The following ANKRD17 variants were observed in gnomAD, a reference collection of about 807,000 sequenced individuals.
ANKRD17 encodes the protein ankyrin repeat domain-containing protein 17.
In ANKRD17, 19 loss-of-function variants were observed where a neutral mutation model predicts 229.7. The observed-to-expected ratio is 0.08, with a 90% confidence interval of 0.06 to 0.12. The LOEUF (loss-of-function observed/expected upper bound fraction) is 0.12, where lower values mean the gene tolerates loss of function less well. Among genes scored for constraint, ANKRD17 ranks in the 10% least tolerant of loss-of-function variants. The pLI is 1.00. For missense variants in ANKRD17, 2,176 were observed against 3,176.8 expected, an observed-to-expected ratio of 0.68 and a Z score of 7.57; for synonymous variants, 1,112 against 1,146.1, an observed-to-expected ratio of 0.97 and a Z score of 0.60.
At chr4:73,253,500 A>C (rs2149288101) in intron 1 of ANKRD17, among the ~76,000 whole-genome samples, 1 of 152,362 alleles carries the variant, frequency 6.6e-6, no homozygotes, top group African/African-American at 2.4e-5. Flanking sequence ...CAATGTTATA[A>C]GGTAGAATCT....
intron 1 of ANKRD17, among the ~76,000 whole-genome samples, chr4:73,237,446 G>C (rs1049567838): frequency 2.0e-5 from 3 of 152,204 alleles, no homozygotes; most frequent in African/African-American, 7.2e-5. Context: ...CCTTCGATCT[G>C]GCCAAGAGAA....
At chr4:73,123,171 T>C (rs909754925) in intron 18 of ANKRD17, among the ~76,000 whole-genome samples, 1 of 151,962 alleles carries the variant, frequency 6.6e-6, no homozygotes, top group African/African-American at 2.4e-5. Context: ...ATAAAGAAAA[T>C]CAACTAATAT....
At chr4:73,119,201 T>C (rs1311590428) in intron 21 of ANKRD17, among the ~76,000 whole-genome samples, 1 of 152,162 alleles carries the variant, frequency 6.6e-6, no homozygotes, top group Non-Finnish European at 1.5e-5. Context: ...TTGTCTTAAA[T>C]AGAATGAAAT....
At chr4:73,189,403 G>GTGTTT (rs1553932825) in intron 1 of ANKRD17, among the ~76,000 whole-genome samples, 3 of 112,700 alleles carry the variant, frequency 2.7e-5, no homozygotes, top group African/African-American at 1.1e-4. Context: ...TGCCTGGAAT[G>GTGTTT]TTTTTTTTTT....
chr4:73,154,178 TTTACA>T (rs1345902435), intron 5 of ANKRD17, 65 bp from the exon 6 acceptor site: 5 of 1,132,402 alleles, frequency 4.4e-6, no homozygotes, highest in Non-Finnish European at 6.0e-6. Context: ...AAAGTGCTAA[TTTACA>T]TTAAGAAAAT....
chr4:73,077,088 A>G lies in ANKRD17; in HGVS notation c.7604T>C (p.Val2535Ala). The change falls in exon 33 of 34, where the codon GTG becomes GCG. Residue 2535 changes from valine to alanine, a missense_variant. Around this residue, in one of 18 missense-constraint regions of ANKRD17, gnomAD observed 159 missense variants for 214.3 expected, o/e 0.74. Coordinates refer to ENST00000358602, the MANE Select transcript of ANKRD17 (RefSeq NM_032217.5). ...TGGAGGAATCATTGCATTCCCATAC[A>G]CAGAAAAAGGCATACCCTTAAAAAA... ...FPKVGGMPFS[V>A]YGNAMIPPVA... is the part of the protein sequence containing the mutation. 7 of 1,593,260 alleles carry G rather than the reference A, an allele frequency of 4.4e-6. No individual in the cohort carries two copies. Among genetic ancestry groups the G allele is most frequent in the Non-Finnish European group, 6.0e-6 (7 of 1,172,442 alleles).
chr4:73,077,490 G>A lies in ANKRD17; in HGVS notation c.7452C>T (p.Ile2484=). 1 of 1,612,432 alleles carries A rather than the reference G, an allele frequency of 6.2e-7. No homozygotes were observed. Among genetic ancestry groups the A allele is most frequent in the South Asian group, 1.1e-5 (1 of 90,844 alleles). Residue 2484 remains isoleucine, a synonymous_variant, in exon 32 of 34, where the codon ATC becomes ATT. Coordinates refer to ENST00000358602, the MANE Select transcript of ANKRD17 (RefSeq NM_032217.5). ...WCNPGMGNPM[I]HRPMSDPGVF... ...CTCCTGGGTCAGACATCGGTCTGTGGATCATAGGATTTCCCATCCCAGGGT... is the reference window on the plus strand; with the variant it reads ...CTCCTGGGTCAGACATCGGTCTGTGAATCATAGGATTTCCCATCCCAGGGT...
intron 1 of ANKRD17, among the ~76,000 whole-genome samples, chr4:73,204,358 CAAAA>C (rs374000000): frequency 8.5e-5 from 5 of 59,146 alleles, no homozygotes; most frequent in African/African-American, 2.8e-4. Flanking sequence ...GAGACTCCGT[CAAAA>C]AAAAAAAAAA....
chr4:73,182,240 T>A (rs1312696383), intron 1 of ANKRD17, among the ~76,000 whole-genome samples: 3 of 152,030 alleles, frequency 2.0e-5, no homozygotes, highest in East Asian at 1.9e-4. Context: ...TGGCCTTTTT[T>A]AAAAGTTGTA....
chr4:73,157,346 G>A (rs1731800477), intron 3 of ANKRD17, among the ~76,000 whole-genome samples: 1 of 151,948 alleles, frequency 6.6e-6, no homozygotes, highest in South Asian at 2.1e-4. Context: ...CAAATTTGGG[G>A]GGAAGTTTCA....
intron 1 of ANKRD17, among the ~76,000 whole-genome samples, chr4:73,242,149 G>A (rs1744098492): frequency 1.3e-5 from 2 of 151,968 alleles, no homozygotes; most frequent in African/African-American, 4.8e-5. Flanking sequence ...CGCAATAAGA[G>A]AACAAAAACA....
At chr4:73,093,950 C>A in intron 28 of ANKRD17, 129 bp downstream of exon 28, 1 of 845,360 alleles carries the variant, frequency 1.2e-6, no homozygotes, top group Non-Finnish European at 1.8e-6. Context: ...TTCTCAAACA[C>A]TAATAAAATT....
intron 18 of ANKRD17, among the ~76,000 whole-genome samples, chr4:73,124,632 A>G (rs1052906993): frequency 1.3e-5 from 2 of 152,196 alleles, no homozygotes; most frequent in Admixed American, 6.5e-5. Flanking sequence ...GGCCCTGTAC[A>G]TTAGGAACTT....
chr4:73,247,446 G>A (rs1044628003), intron 1 of ANKRD17, among the ~76,000 whole-genome samples: 6 of 151,976 alleles, frequency 3.9e-5, no homozygotes, highest in Admixed American at 1.3e-4. Context: ...GCAATGTAGT[G>A]AAAACAATCT....
rs1203148084 is a variant in ANKRD17 at position 73,074,789 on chromosome 4, C to T, written c.*1442G>A. 6.6e-6 allele frequency: 1 copy of T among 152,254 alleles called. No homozygotes were observed. The highest frequency in any genetic ancestry group is 2.4e-5 in the African/African-American group (1 of 41,374). The allele number at this position is 152,254 out of a possible 1,614,324, so 9.4% of individuals were successfully genotyped here. A position where few individuals can be genotyped will look rare whatever the true frequency, so the allele number is the denominator to read the frequency against. Reference sequence around the variant, plus strand: ...AAAAAAGAAGACAAATTGATATATACATTACTCGATTTTTATGCTTACTTT... The same window carrying T: ...AAAAAAGAAGACAAATTGATATATATATTACTCGATTTTTATGCTTACTTT... On this transcript the variant is annotated 3_prime_UTR_variant, in exon 34 of 34. Coordinates refer to ENST00000358602, the MANE Select transcript of ANKRD17 (RefSeq NM_032217.5).
intron 1 of ANKRD17, among the ~76,000 whole-genome samples, chr4:73,207,330 C>T (rs891688018): frequency 6.6e-6 from 1 of 151,630 alleles, no homozygotes. Context: ...AAAAACTCAA[C>T]CTAATAAAAG....
In ANKRD17 at chr4:73,199,420, TACTTTA is replaced by T. The variant is rs546841069; in HGVS notation, c.394-21893_394-21888del. Among the ~76,000 whole-genome samples, 70 of 152,328 alleles carry T rather than the reference TACTTTA, an allele frequency of 4.6e-4. No individual in the cohort carries two copies. In the South Asian group the frequency reaches 0.014, roughly 30 times the overall value. ...GAAAAACATTGTCTCAATTTCCCAT[TACTTTA>T]TATAGAGTACCCCTATTAATTTCAT... is the stretch of plus-strand genomic sequence containing the variant. On this transcript the variant is annotated intron_variant, in intron 1 of 33. Coordinates refer to ENST00000358602, the MANE Select transcript of ANKRD17 (RefSeq NM_032217.5).
intron 1 of ANKRD17, among the ~76,000 whole-genome samples, chr4:73,201,141 A>G (rs755158867): frequency 6.6e-6 from 1 of 152,172 alleles, no homozygotes; most frequent in Non-Finnish European, 1.5e-5. Context: ...CACAAAGAAT[A>G]AGAAAAGACA....
intron 1 of ANKRD17, among the ~76,000 whole-genome samples, chr4:73,233,707 T>C (rs942712816): frequency 2.6e-5 from 4 of 152,140 alleles, no homozygotes; most frequent in Non-Finnish European, 4.4e-5. Flanking sequence ...AAGTGCATCG[T>C]TTTTTCCCAG....
Sources: gnomAD v4.1 joint callset for allele counts (sites outside exome capture counted in the v4.1 genomes callset) on GRCh38, gnomAD v4.1.1 for gene constraint, gnomAD v4.1.1 regional missense constraint, MANE v1.5 for transcripts, NCBI Gene and HGNC (gene_info 2026-07-23, HGNC 2026-07-21) for gene names.